FBXO42: variants seen among roughly 807,000 people sequenced by gnomAD.
FBXO42 encodes the protein F-box protein 42, also known as F-box only protein 42.
Under a neutral mutation model 71.7 loss-of-function variants are expected in FBXO42, and 12 were observed. The ratio of observed to expected loss-of-function variants is 0.17; its 90% CI spans 0.11 to 0.27. The LOEUF (loss-of-function observed/expected upper bound fraction) is 0.27. FBXO42 is among the 10% of genes least tolerant of loss of function. The pLI is 1.00. For missense variants in FBXO42, 707 were observed against 911.9 expected (o/e 0.78, Z 2.89); for synonymous variants, 325 against 327.5 (o/e 0.99, Z 0.08).
Position 16,326,070 on chromosome 1 carries a change from T to C in FBXO42, c.-17-10635A>G, listed in dbSNP as rs1290093585. ...TGTGTCTGTGTGTGTCTGTGTGTGT[T>C]TTGAGATGGAATTTCGCTCTTGTTG... On this transcript the variant is annotated intron_variant, in intron 1 of 9. Transcript: ENST00000375592. 4.5e-5 allele frequency among the ~76,000 whole-genome samples: 4 copies of C among 88,216 alleles called. No homozygotes were observed. The East Asian group carries it at 1.3e-3, about 30-fold the overall frequency. The allele number at this position is 88,216 out of a possible 152,430, so 57.9% of individuals were successfully genotyped here.
chr1:16,291,370 C>CTT (rs974875709), intron 4 of FBXO42, among the ~76,000 whole-genome samples: 2 of 145,578 alleles, frequency 1.4e-5, no homozygotes, highest in Admixed American at 1.4e-4. Flanking sequence ...TCTCATGGGA[C>CTT]TTTTTTTTTT....
rs59844224 is a variant in FBXO42 at position 16,337,747 on chromosome 1, G to C, written c.-18+14508C>G. Among the ~76,000 whole-genome samples, 150 of 151,666 alleles carry C rather than the reference G, an allele frequency of 9.9e-4. 1 individual carries two copies. The highest frequency in any genetic ancestry group is 3.3e-3 in the African/African-American group (138 of 41,374). On this transcript the variant is annotated intron_variant, in intron 1 of 9. Coordinates refer to ENST00000375592, the MANE Select transcript of FBXO42 (RefSeq NM_018994.3). ...AAAAATACAAAAATTAGCTGGGCAC[G>C]GCGACAGGCACCTGTAATTTCAGCT...
Position 16,252,113 on chromosome 1 carries a change from G to GT in FBXO42, c.1038+174dup, listed in dbSNP as rs549294773. On this transcript the variant is annotated intron_variant, in intron 9 of 9. Transcript: ENST00000375592. The surrounding 1 kb of genome is among the most constrained non-coding windows in gnomAD (Gnocchi z 4.4). ...GACTTACTGAATGAGTAGGGCCCCTGTAAGTTTTCCCATTTAGTGAGAAAT... is the reference window on the plus strand; with the variant it reads ...GACTTACTGAATGAGTAGGGCCCCTGTTAAGTTTTCCCATTTAGTGAGAAAT... Among the ~76,000 whole-genome samples the GT allele has an allele frequency of 1.1e-3, 161 of 152,336 alleles. No homozygotes were observed. Among genetic ancestry groups the GT allele is most frequent in the African/African-American group, 3.7e-3 (153 of 41,580 alleles).
intron 1 of FBXO42, among the ~76,000 whole-genome samples, chr1:16,333,251 G>A (rs2082519123): frequency 6.6e-6 from 1 of 152,092 alleles, no homozygotes; most frequent in Non-Finnish European, 1.5e-5. Flanking sequence ...ATAAATACTA[G>A]AGATAGTTTC....
At chr1:16,262,787 G>A (rs1202804176) in intron 4 of FBXO42, among the ~76,000 whole-genome samples, 1 of 151,980 alleles carries the variant, frequency 6.6e-6, no homozygotes, top group African/African-American at 2.4e-5. Flanking sequence ...TCAGCTCACT[G>A]CAACTCCGAC....
At chr1:16,344,478 C>G (rs2082636742) in intron 1 of FBXO42, among the ~76,000 whole-genome samples, 1 of 143,608 alleles carries the variant, frequency 7.0e-6, no homozygotes, top group South Asian at 2.3e-4. Flanking sequence ...ACCACCACAC[C>G]CAGCTAACTT....
intron 1 of FBXO42, among the ~76,000 whole-genome samples, chr1:16,350,161 A>G (rs1176052182): frequency 6.6e-6 from 1 of 152,162 alleles, no homozygotes. Flanking sequence ...AACTAAGGTA[A>G]GGAATTGCAA....
At chr1:16,283,649 A>G (rs1280519578) in intron 4 of FBXO42, among the ~76,000 whole-genome samples, 1 of 151,704 alleles carries the variant, frequency 6.6e-6, no homozygotes, top group Non-Finnish European at 1.5e-5. Flanking sequence ...GGCACCCACC[A>G]CCATGCCCAG....
At chr1:16,279,314 T>C (rs74057911) in intron 4 of FBXO42, among the ~76,000 whole-genome samples, 4,055 of 152,172 alleles carry the variant, frequency 0.027, 183 homozygotes, top group African/African-American at 0.09. Context: ...TCTGGATAGC[T>C]TGAAAGAAGG....
At chr1:16,261,871 A>AT (rs138845760) in intron 4 of FBXO42, among the ~76,000 whole-genome samples, 4,008 of 151,546 alleles carry the variant, frequency 0.026, 182 homozygotes, top group African/African-American at 0.09. Context: ...GCTCAAGCTA[A>AT]TTTTTTTTAT....
chr1:16,284,799 C>T (rs2100510145), intron 4 of FBXO42, among the ~76,000 whole-genome samples: 1 of 152,294 alleles, frequency 6.6e-6, no homozygotes, highest in East Asian at 1.9e-4. Context: ...GAAACCCTGT[C>T]TCTACTAAAA....
intron 4 of FBXO42, among the ~76,000 whole-genome samples, chr1:16,264,132 T>C (rs2081747239): frequency 1.3e-5 from 2 of 152,042 alleles, no homozygotes; most frequent in Non-Finnish European, 1.5e-5. Context: ...TTATATGGAG[T>C]AGCCGTAGAT....
intron 1 of FBXO42, among the ~76,000 whole-genome samples, chr1:16,318,973 A>G (rs2082392307): frequency 6.6e-6 from 1 of 152,208 alleles, no homozygotes; most frequent in Non-Finnish European, 1.5e-5. Flanking sequence ...GATGGACAGT[A>G]AGTCCTTTTG....
At chr1:16,313,267 TAAA>T (rs869178469) in intron 2 of FBXO42, among the ~76,000 whole-genome samples, 9 of 26,490 alleles carry the variant, frequency 3.4e-4, no homozygotes, top group East Asian at 1.6e-3. Context: ...TAAATAAAAA[TAAA>T]AAAAAAAGAA....
chr1:16,346,554 G>C (rs2082655969), intron 1 of FBXO42, among the ~76,000 whole-genome samples: 1 of 151,666 alleles, frequency 6.6e-6, no homozygotes, highest in Non-Finnish European at 1.5e-5. Context: ...TGGGCGTGGT[G>C]GTGGGCGCAT....
intron 4 of FBXO42, among the ~76,000 whole-genome samples, chr1:16,279,082 G>A (rs2081934418): frequency 6.6e-6 from 1 of 151,984 alleles, no homozygotes; most frequent in South Asian, 2.1e-4. Flanking sequence ...AGCCTAGACG[G>A]TTATTTCTGA....
chr1:16,316,280 C>T (rs958569649), intron 1 of FBXO42, among the ~76,000 whole-genome samples: 1 of 151,888 alleles, frequency 6.6e-6, no homozygotes, highest in Admixed American at 6.6e-5. Flanking sequence ...TACTTGCCAG[C>T]GGTGCCTGCA....
At chr1:16,324,442 C>G (rs2082434150) in intron 1 of FBXO42, among the ~76,000 whole-genome samples, 1 of 152,018 alleles carries the variant, frequency 6.6e-6, no homozygotes, top group African/African-American at 2.4e-5. Flanking sequence ...AAACAAGAAG[C>G]CTTAACAGTT....
chr1:16,282,782 A>T (rs1284777356), intron 4 of FBXO42, among the ~76,000 whole-genome samples: 1 of 151,480 alleles, frequency 6.6e-6, no homozygotes, highest in East Asian at 2.0e-4. Context: ...GGAGTTCGAG[A>T]CCACCCTGGC....
Sources: gnomAD v4.1 joint callset for allele counts (sites outside exome capture counted in the v4.1 genomes callset) on GRCh38, gnomAD v4.1.1 for gene constraint, Gnocchi (gnomAD v3.1) non-coding constraint, MANE v1.5 for transcripts, NCBI Gene and HGNC (gene_info 2026-07-23, HGNC 2026-07-21) for gene names.